Variants in MAPRE2 observed in about 807,000 individuals in gnomAD.
MAPRE2 encodes the protein microtubule associated protein RP/EB family member 2.
A neutral mutation model predicts 43.2 loss-of-function variants in MAPRE2; 13 were observed. That is an observed-to-expected ratio of 0.30 (90% CI 0.20 to 0.48). MAPRE2 has a LOEUF of 0.48. Ranked by LOEUF, MAPRE2 falls within the 20% of genes least tolerant of loss-of-function variation. MAPRE2 has a pLI of 0.99. For synonymous variants in MAPRE2, 135 were observed against 148.8 expected (o/e 0.91, Z 0.68); for missense variants, 161 against 400.2 (o/e 0.40, Z 5.10).
chr18:35,071,802 T>C lies in MAPRE2; in HGVS notation c.250+1480T>C, dbSNP rs538178300. ...CTAGAGCACTAACTTTGAGTATGATTGACATCCTTTTCCCTGTGATCATTT... is the reference window on the plus strand; with the variant it reads ...CTAGAGCACTAACTTTGAGTATGATCGACATCCTTTTCCCTGTGATCATTT... On this transcript the variant is annotated intron_variant, in intron 2 of 6. Coordinates refer to ENST00000300249, the MANE Select transcript of MAPRE2 (RefSeq NM_014268.4). Among the ~76,000 whole-genome samples the C allele has an allele frequency of 5.9e-5, 9 of 152,306 alleles. No individual in the cohort carries two copies. The East Asian group carries it at 1.7e-3, about 29-fold the overall frequency.
At chr18:35,025,094 T>C (rs1433562345) in intron 2 of MAPRE2, among the ~76,000 whole-genome samples, 2 of 152,200 alleles carry the variant, frequency 1.3e-5, no homozygotes, top group African/African-American at 4.8e-5. Context: ...GTACAAAGCA[T>C]GACATAAGCA....
chr18:35,014,468 G>A (rs1299018521), intron 2 of MAPRE2, among the ~76,000 whole-genome samples: 3 of 150,994 alleles, frequency 2.0e-5, no homozygotes, highest in Non-Finnish European at 2.9e-5. Context: ...TTGTATAAAA[G>A]CTCTTCTTTG....
At chr18:35,140,207 G>A (rs1377293527) in intron 6 of MAPRE2, 88 bp from the exon 7 acceptor site, 17 of 1,193,060 alleles carry the variant, frequency 1.4e-5, no homozygotes, top group South Asian at 7.8e-5. Context: ...GCCTTGAGAC[G>A]CCATGCTGGC....
chr18:35,051,784 G>A (rs978800244), intron 1 of MAPRE2, among the ~76,000 whole-genome samples: 5 of 152,286 alleles, frequency 3.3e-5, no homozygotes, highest in South Asian at 4.2e-4. Flanking sequence ...CCGTGCATAT[G>A]GAAATAATAG....
chr18:35,048,587 G>A (rs1225013380), intron 1 of MAPRE2, among the ~76,000 whole-genome samples: 1 of 149,068 alleles, frequency 6.7e-6, no homozygotes, highest in African/African-American at 2.5e-5. Context: ...TATTATATAT[G>A]TGTGTATGTA....
intron 4 of MAPRE2, among the ~76,000 whole-genome samples, chr18:35,102,363 A>G (rs532173216): frequency 6.6e-6 from 1 of 152,346 alleles, no homozygotes; most frequent in African/African-American, 2.4e-5. Flanking sequence ...CATTTAAACT[A>G]TTAAAAAGGC....
intron 2 of MAPRE2, among the ~76,000 whole-genome samples, chr18:35,029,041 C>A (rs1005948622): frequency 2.0e-5 from 3 of 152,074 alleles, no homozygotes; most frequent in African/African-American, 7.2e-5. Context: ...GCAGTTGGAC[C>A]CTTCATTTCT....
intron 1 of MAPRE2, among the ~76,000 whole-genome samples, chr18:35,067,067 A>G (rs1568990729): frequency 6.6e-6 from 1 of 152,232 alleles, no homozygotes; most frequent in African/African-American, 2.4e-5. Flanking sequence ...TCTGTCTTCT[A>G]AACTAGTTAT....
intron 2 of MAPRE2, among the ~76,000 whole-genome samples, chr18:35,023,944 T>C (rs1316355533): frequency 2.6e-5 from 4 of 152,210 alleles, no homozygotes; most frequent in Non-Finnish European, 5.9e-5. Context: ...GTCAAGTATG[T>C]ACCGTAATAA....
chr18:35,071,844 A>G (rs930867041), intron 2 of MAPRE2, among the ~76,000 whole-genome samples: 1 of 152,218 alleles, frequency 6.6e-6, no homozygotes, highest in Non-Finnish European at 1.5e-5. Flanking sequence ...CGAGGAAGAC[A>G]GTAAGGTTGG....
intron 1 of MAPRE2, chr18:34,978,226 G>A: frequency 4.1e-6 from 2 of 489,510 alleles, no homozygotes; most frequent in Non-Finnish European, 7.2e-6. Context: ...AAAAAAAGAA[G>A]AACAAAAGGA....
At chr18:35,040,617 A>C (rs1258618126), upstream of MAPRE2, among the ~76,000 whole-genome samples, 2 of 152,264 alleles carry the variant, frequency 1.3e-5, no homozygotes. Context: ...TCAAATACTA[A>C]GTGAGGTGAT....
chr18:34,994,696 A>C (rs975930515), intron 1 of MAPRE2, among the ~76,000 whole-genome samples: 1 of 152,214 alleles, frequency 6.6e-6, no homozygotes, highest in Non-Finnish European at 1.5e-5. Context: ...ATTCAATAAT[A>C]ATAATGATAA....
At chr18:35,015,077 A>G (rs773149886) in intron 2 of MAPRE2, among the ~76,000 whole-genome samples, 2 of 152,136 alleles carry the variant, frequency 1.3e-5, no homozygotes, top group Admixed American at 6.6e-5. Context: ...ATGCTTGTAT[A>G]TATTCAGACC....
intron 6 of MAPRE2, among the ~76,000 whole-genome samples, chr18:35,138,427 G>A (rs778355084): frequency 2.6e-5 from 4 of 152,172 alleles, no homozygotes; most frequent in Non-Finnish European, 1.5e-5. Flanking sequence ...TAAGGGGCCT[G>A]TCGGCACGGT....
intron 4 of MAPRE2, among the ~76,000 whole-genome samples, chr18:35,115,497 A>T (rs1909369781): frequency 6.6e-6 from 1 of 151,810 alleles, no homozygotes; most frequent in African/African-American, 2.4e-5. Context: ...CCCAATATGT[A>T]CTCTTTTATC....
At chr18:35,025,053 C>A (rs1603391174) in intron 2 of MAPRE2, among the ~76,000 whole-genome samples, 1 of 152,336 alleles carries the variant, frequency 6.6e-6, no homozygotes, top group East Asian at 1.9e-4. Context: ...TATTTCTACT[C>A]TTGATCAAAT....
At chr18:34,982,317 A>T (rs1603385657) in intron 1 of MAPRE2, among the ~76,000 whole-genome samples, 1 of 152,206 alleles carries the variant, frequency 6.6e-6, no homozygotes, top group Admixed American at 6.5e-5. Context: ...CATAAACTTC[A>T]CTACAGACCC....
At chr18:35,110,862 T>C (rs969995239) in intron 4 of MAPRE2, among the ~76,000 whole-genome samples, 2 of 152,198 alleles carry the variant, frequency 1.3e-5, no homozygotes, top group African/African-American at 4.8e-5. Context: ...TTTCTCTGAG[T>C]GCAGTCAAAA....
Sources: allele counts gnomAD v4.1 joint callset (sites outside exome capture counted in the v4.1 genomes callset), GRCh38; gene constraint gnomAD v4.1.1; transcripts MANE v1.5; gene names NCBI Gene and HGNC (gene_info 2026-07-23, HGNC 2026-07-21).